SLCO1B1: variants seen among roughly 807,000 people sequenced by gnomAD.
SLCO1B1 encodes the protein solute carrier organic anion transporter family member 1B1.
A neutral mutation model predicts 70.1 loss-of-function variants in SLCO1B1; 81 were observed. The observed-to-expected ratio is 1.16, with a 90% CI of 0.97 to 1.39. The LOEUF is 1.39. Among genes scored for constraint, SLCO1B1 ranks in the 40% most tolerant of loss-of-function variants. The probability of loss-of-function intolerance (pLI) is 0.00; values close to 1 mark genes in which losing one functional copy is unlikely to be tolerated. For missense variants in SLCO1B1, 895 were observed against 799.6 expected, an observed-to-expected ratio of 1.12 and a Z score of -1.44; for synonymous variants, 283 against 271.5, an observed-to-expected ratio of 1.04 and a Z score of -0.42.
In SLCO1B1 at chr12:21,239,279, T is replaced by C. The variant is rs1941624939; in HGVS notation, c.*90T>C. On this transcript the variant is annotated 3_prime_UTR_variant, in exon 15 of 15. Transcript: ENST00000256958. Reference sequence around the variant, plus strand: ...GTTATTTTTGAGGAGTTCCTGGTCCTTTCACTAAGAATTTCCACATCTTTT... The same window carrying C: ...GTTATTTTTGAGGAGTTCCTGGTCCCTTCACTAAGAATTTCCACATCTTTT... The C allele has an allele frequency of 5.5e-6, 5 of 909,148 alleles. No individual in the cohort carries two copies. The highest frequency in any genetic ancestry group is 9.2e-6 in the Non-Finnish European group (5 of 545,102). 56.3% of individuals were successfully genotyped at this position (909,148 alleles called of 1,614,324 possible). A position where few individuals can be genotyped will look rare whatever the true frequency, so the allele number is the denominator to read the frequency against.
chr12:21,177,200 T>C (rs1940833541), intron 5 of SLCO1B1, among the ~76,000 whole-genome samples: 1 of 152,142 alleles, frequency 6.6e-6, no homozygotes, highest in South Asian at 2.1e-4. Context: ...AGAACTTAAG[T>C]GTGCATGAAT....
At chr12:21,205,710 G>C (rs947974482) in intron 10 of SLCO1B1, among the ~76,000 whole-genome samples, 158 bp from the exon 11 acceptor site, 1 of 150,940 alleles carries the variant, frequency 6.6e-6, no homozygotes, top group Non-Finnish European at 1.5e-5. Context: ...TTGCCATTTC[G>C]TCATCATCAA....
chr12:21,208,839 C>A (rs1278671895), intron 11 of SLCO1B1, among the ~76,000 whole-genome samples: 2 of 152,006 alleles, frequency 1.3e-5, no homozygotes, highest in Non-Finnish European at 2.9e-5. Flanking sequence ...AGATCTTTCA[C>A]TTCCTTGGTT....
intron 2 of SLCO1B1, among the ~76,000 whole-genome samples, chr12:21,151,292 T>G (rs1046249169): frequency 5.9e-5 from 9 of 152,212 alleles, no homozygotes; most frequent in African/African-American, 1.7e-4. Flanking sequence ...CATGTGTGAC[T>G]GTAGTTAGAT....
chr12:21,152,533 C>CTTTTTTTTTTTTT (rs71043250), intron 2 of SLCO1B1, among the ~76,000 whole-genome samples: 1,254 of 34,330 alleles, frequency 0.037, 483 homozygotes, highest in Middle Eastern at 0.094. Context: ...AGAGGAGAGG[C>CTTTTTTTTTTTTT]TTTTTTTTTT....
At chr12:21,181,029 A>G (rs1023861787) in intron 7 of SLCO1B1, among the ~76,000 whole-genome samples, 2 of 152,246 alleles carry the variant, frequency 1.3e-5, no homozygotes, top group African/African-American at 4.8e-5. Context: ...ATGAGTAAAG[A>G]GTGCCAGGAA....
chr12:21,133,532 T>G (rs567259725), intron 1 of SLCO1B1, among the ~76,000 whole-genome samples: 1 of 152,272 alleles, frequency 6.6e-6, no homozygotes, highest in East Asian at 1.9e-4. Flanking sequence ...TAGTTCTCCT[T>G]GAAGAGGTCC....
At chr12:21,148,931 T>A (rs932784705) in intron 2 of SLCO1B1, among the ~76,000 whole-genome samples, 2 of 152,116 alleles carry the variant, frequency 1.3e-5, no homozygotes, top group Non-Finnish European at 1.5e-5. Flanking sequence ...GTTGAAGAGG[T>A]CCCTCACACC....
At chr12:21,176,991 A>T (rs1940829404) in intron 5 of SLCO1B1, 94 bp downstream of exon 5, 2 of 932,784 alleles carry the variant, frequency 2.1e-6, no homozygotes, top group African/African-American at 3.3e-5. Context: ...GCAAAATTTA[A>T]TTAAGAATGA....
At chr12:21,227,227 G>T (rs183892220) in intron 14 of SLCO1B1, among the ~76,000 whole-genome samples, 2,506 of 152,044 alleles carry the variant, frequency 0.016, 67 homozygotes, top group African/African-American at 0.057. Context: ...TAGATAAATA[G>T]TTCTACCTGC....
chr12:21,170,645 CCAT>C (rs1485646943), intron 2 of SLCO1B1, among the ~76,000 whole-genome samples: 1 of 152,074 alleles, frequency 6.6e-6, no homozygotes, highest in Non-Finnish European at 1.5e-5. Flanking sequence ...TTTATTATTC[CCAT>C]CATCAACTTA....
chr12:21,224,931 G>T, intron 14 of SLCO1B1, 92 bp downstream of exon 14: 1 of 678,432 alleles, frequency 1.5e-6, no homozygotes. Flanking sequence ...TATTAATAAT[G>T]ATAGCCACCA....
chr12:21,169,167 G>C (rs920208970), intron 2 of SLCO1B1, among the ~76,000 whole-genome samples: 1 of 152,086 alleles, frequency 6.6e-6, no homozygotes, highest in Non-Finnish European at 1.5e-5. Flanking sequence ...TCTTTTAAGA[G>C]TCTCTGTTTG....
At chr12:21,137,306 T>C (rs912757961) in intron 1 of SLCO1B1, among the ~76,000 whole-genome samples, 1 of 152,136 alleles carries the variant, frequency 6.6e-6, no homozygotes, top group Non-Finnish European at 1.5e-5. Context: ...GCAGTCTGCC[T>C]GTTCTCAGAT....
intron 12 of SLCO1B1, 35 bp from the exon 13 acceptor site, chr12:21,222,265 A>G (rs1304801008): frequency 1.9e-6 from 2 of 1,049,320 alleles, no homozygotes; most frequent in Admixed American, 2.1e-5. Flanking sequence ...TATTTTAATG[A>G]TATTTAATGT....
intron 2 of SLCO1B1, among the ~76,000 whole-genome samples, chr12:21,166,979 A>G (rs1299803857): frequency 6.6e-6 from 1 of 152,240 alleles, no homozygotes. Flanking sequence ...ACAAGAAATG[A>G]GACATAACCA....
chr12:21,220,518 AT>A (rs1258967329), intron 12 of SLCO1B1, among the ~76,000 whole-genome samples: 5 of 152,144 alleles, frequency 3.3e-5, no homozygotes, highest in Admixed American at 6.5e-5. Flanking sequence ...CATGGAACTA[AT>A]GAGATCTTCT....
chr12:21,160,937 A>T (rs1940610185), intron 2 of SLCO1B1, among the ~76,000 whole-genome samples: 1 of 152,240 alleles, frequency 6.6e-6, no homozygotes, highest in Admixed American at 6.5e-5. Flanking sequence ...CATTAGAGAA[A>T]TTCAAATCAA....
intron 11 of SLCO1B1, among the ~76,000 whole-genome samples, chr12:21,215,354 C>T (rs74820749): frequency 0.018 from 2,702 of 152,278 alleles, 31 homozygotes; most frequent in Non-Finnish European, 0.03. Flanking sequence ...TATGTTCCTT[C>T]AATGCCCAGT....
Sources: gnomAD v4.1 joint callset for allele counts (sites outside exome capture counted in the v4.1 genomes callset) on GRCh38, gnomAD v4.1.1 for gene constraint, MANE v1.5 for transcripts, NCBI Gene and HGNC (gene_info 2026-07-23, HGNC 2026-07-21) for gene names.